The following AK5 variants were observed in gnomAD, a reference collection of about 807,000 sequenced individuals.
AK5 encodes the protein adenylate kinase isoenzyme 5.
Under a neutral mutation model 69.5 loss-of-function variants are expected in AK5, and 27 were observed. The observed-to-expected ratio is 0.39, with a 90% CI of 0.29 to 0.54. AK5 has a LOEUF of 0.54. Among genes scored for constraint, AK5 ranks in the 20% least tolerant of loss-of-function variants. AK5 has a pLI of 0.71. For synonymous variants in AK5, 260 were observed against 244.4 expected (o/e 1.06, Z -0.60); for missense variants, 531 against 700.4 (o/e 0.76, Z 2.73).
In AK5 at chr1:77,340,445, G is replaced by A. The variant is rs547071905; in HGVS notation, c.768G>A (p.Lys256=). 6.2e-7 allele frequency: 1 copy of A among 1,614,100 alleles called. No homozygotes were observed. Among genetic ancestry groups the A allele is most frequent in the African/African-American group, 1.3e-5 (1 of 75,042 alleles). ...ANQRLKERLL[K]RAEQQGRPDD... is the part of the protein sequence containing the mutation. Reference sequence around the variant, plus strand: ...AGAGACTCAAAGAAAGATTACTGAAGCGTGCAGAACAGCAGGGCCGACCAG... The same window carrying A: ...AGAGACTCAAAGAAAGATTACTGAAACGTGCAGAACAGCAGGGCCGACCAG... The change falls in exon 6 of 14, where the codon AAG becomes AAA. Residue 256 remains lysine, a synonymous_variant. Coordinates refer to ENST00000354567, the MANE Select transcript of AK5 (RefSeq NM_174858.3).
At chr1:77,549,333 G>A (rs932608924) in intron 13 of AK5, among the ~76,000 whole-genome samples, 11 of 151,854 alleles carry the variant, frequency 7.2e-5, no homozygotes, top group African/African-American at 2.7e-4. Context: ...TACATATTGG[G>A]TGTATATATT....
At chr1:77,448,887 G>A (rs1652938119) in intron 8 of AK5, among the ~76,000 whole-genome samples, 1 of 152,192 alleles carries the variant, frequency 6.6e-6, no homozygotes, top group Non-Finnish European at 1.5e-5. Flanking sequence ...GCCACTTGCA[G>A]TATGCCTGGT....
At chr1:77,379,751 C>T (rs1202406142) in intron 6 of AK5, among the ~76,000 whole-genome samples, 1 of 152,164 alleles carries the variant, frequency 6.6e-6, no homozygotes, top group East Asian at 1.9e-4. Context: ...AGATTATATA[C>T]TTCATTACTG....
chr1:77,406,117 T>G (rs1022657668), intron 6 of AK5, among the ~76,000 whole-genome samples: 1 of 141,688 alleles, frequency 7.1e-6, no homozygotes, highest in Admixed American at 7.3e-5. Context: ...AACAGATATC[T>G]GAAAAGAAAA....
At chr1:77,349,569 G>A (rs1662090332) in intron 6 of AK5, 1 of 152,132 alleles carries the variant, frequency 6.6e-6, no homozygotes, top group Non-Finnish European at 1.5e-5. Flanking sequence ...CTATGCAGCT[G>A]TAATCTCTTC....
intron 2 of AK5, among the ~76,000 whole-genome samples, chr1:77,292,808 T>TTC (rs559299884): frequency 8.5e-5 from 13 of 152,316 alleles, no homozygotes; most frequent in Non-Finnish European, 1.6e-4. Context: ...TGCAAGTCCT[T>TTC]TCTTACCACT....
intron 13 of AK5, among the ~76,000 whole-genome samples, chr1:77,539,048 A>G (rs1179595456): frequency 1.3e-5 from 2 of 152,258 alleles, no homozygotes; most frequent in Non-Finnish European, 2.9e-5. Context: ...GAAGTGAGGA[A>G]CTGAGGTTAA....
At chr1:77,377,497 C>T (rs1174517424) in intron 6 of AK5, among the ~76,000 whole-genome samples, 1 of 152,196 alleles carries the variant, frequency 6.6e-6, no homozygotes, top group East Asian at 1.9e-4. Flanking sequence ...TTCCTCCCTC[C>T]CATGCCATCT....
At chr1:77,336,418 T>C (rs1661364696) in intron 5 of AK5, among the ~76,000 whole-genome samples, 1 of 152,182 alleles carries the variant, frequency 6.6e-6, no homozygotes, top group Non-Finnish European at 1.5e-5. Flanking sequence ...ACTGTTTGCA[T>C]AAACAAGCAA....
intron 5 of AK5, among the ~76,000 whole-genome samples, chr1:77,315,550 A>G (rs1242975998): frequency 6.6e-6 from 1 of 152,154 alleles, no homozygotes; most frequent in Non-Finnish European, 1.5e-5. Flanking sequence ...ATGAAATAGG[A>G]TTCAAAGATT....
At chr1:77,439,755 AATATGTATGTATATACATAT>A (rs904639225) in intron 8 of AK5, among the ~76,000 whole-genome samples, 2 of 149,570 alleles carry the variant, frequency 1.3e-5, no homozygotes, top group African/African-American at 2.5e-5. Context: ...CATAAAAAAG[AATATGTATGTATATACATAT>A]ATATGTATGT....
intron 10 of AK5, among the ~76,000 whole-genome samples, chr1:77,511,018 A>C (rs1657317575): frequency 6.7e-6 from 1 of 149,764 alleles, no homozygotes; most frequent in Non-Finnish European, 1.5e-5. Context: ...TATTTTATTT[A>C]TATTCATATT....
At chr1:77,292,517 C>T (rs1373817986) in intron 2 of AK5, among the ~76,000 whole-genome samples, 2 of 152,104 alleles carry the variant, frequency 1.3e-5, no homozygotes, top group South Asian at 2.1e-4. Context: ...CAGGTGGCCT[C>T]CTGTTTGCTT....
At chr1:77,437,312 A>G (rs944688280) in intron 8 of AK5, among the ~76,000 whole-genome samples, 2 of 152,260 alleles carry the variant, frequency 1.3e-5, no homozygotes, top group Non-Finnish European at 1.5e-5. Context: ...AAATACATAC[A>G]TGCAACATAA....
chr1:77,507,611 A>T (rs990894077), intron 10 of AK5, among the ~76,000 whole-genome samples: 1 of 152,220 alleles, frequency 6.6e-6, no homozygotes, highest in African/African-American at 2.4e-5. Flanking sequence ...AATTCCTCTC[A>T]TCTGCAAGAG....
chr1:77,535,925 A>G lies in AK5; in HGVS notation c.1507A>G (p.Ser503Gly). The change falls in exon 13 of 14, where the codon AGC (serine) becomes GGC (glycine). Residue 503 changes from serine to glycine, a missense_variant. Physicochemically the swap from Ser to Gly is moderately conservative, Grantham distance 56. Coordinates refer to ENST00000354567, the MANE Select transcript of AK5 (RefSeq NM_174858.3). ...CAACCGCCTTCTCCAAAGGAGCCGGAGCAGCCTGCCTGTGGACGACACCAC... is the reference window on the plus strand; with the variant it reads ...CAACCGCCTTCTCCAAAGGAGCCGGGGCAGCCTGCCTGTGGACGACACCAC... Reference protein sequence around the residue: ...MTNRLLQRSRSSLPVDDTTKT... With the variant: ...MTNRLLQRSRGSLPVDDTTKT... 1 of 1,613,912 alleles carries G rather than the reference A, an allele frequency of 6.2e-7. No homozygotes were observed. The highest frequency in any genetic ancestry group is 8.5e-7 in the Non-Finnish European group (1 of 1,179,966).
intron 6 of AK5, among the ~76,000 whole-genome samples, chr1:77,397,182 T>C (rs1648889293): frequency 6.6e-6 from 1 of 152,228 alleles, no homozygotes; most frequent in Admixed American, 6.5e-5. Context: ...CCTTCATTTC[T>C]TCTCACGGCA....
intron 5 of AK5, among the ~76,000 whole-genome samples, chr1:77,323,645 T>C (rs1570378350): frequency 6.6e-6 from 1 of 152,226 alleles, no homozygotes; most frequent in African/African-American, 2.4e-5. Context: ...TATCTGAACT[T>C]CTTTGCTTTC....
At chr1:77,495,201 G>T (rs2100744145) in intron 10 of AK5, among the ~76,000 whole-genome samples, 1 of 152,232 alleles carries the variant, frequency 6.6e-6, no homozygotes, top group African/African-American at 2.4e-5. Flanking sequence ...CTTTCCCAAG[G>T]TTACACAGTT....
Sources: gnomAD v4.1 joint callset for allele counts (sites outside exome capture counted in the v4.1 genomes callset) on GRCh38, gnomAD v4.1.1 for gene constraint, MANE v1.5 for transcripts, NCBI Gene and HGNC (gene_info 2026-07-23, HGNC 2026-07-21) for gene names.